GABRB3: variants seen among roughly 807,000 people sequenced by gnomAD.
GABRB3 encodes the protein gamma-aminobutyric acid receptor subunit beta-3.
Under a neutral mutation model 52.1 loss-of-function variants are expected in GABRB3, and 14 were observed. The ratio of observed to expected loss-of-function variants is 0.27; its 90% CI spans 0.18 to 0.42. GABRB3 has a LOEUF of 0.42. Among genes scored for constraint, GABRB3 ranks in the 10% least tolerant of loss-of-function variants. The pLI is 1.00. For synonymous variants in GABRB3, 260 were observed against 232.3 expected (o/e 1.12, Z -1.08); for missense variants, 307 against 609.1 (o/e 0.50, Z 5.22).
intron 8 of GABRB3, among the ~76,000 whole-genome samples, chr15:26,553,694 G>A (rs899508396): frequency 5.3e-5 from 8 of 151,942 alleles, no homozygotes; most frequent in Admixed American, 2.0e-4. Context: ...GGGATTGTTC[G>A]AGACCATTCA....
upstream of GABRB3, chr15:26,773,497 CCCCGGCCGCCGAA>C: frequency 2.1e-6 from 1 of 484,290 alleles, no homozygotes. Context: ...TGCCCGCCTA[CCCCGGCCGCCGAA>C]GTTGGCCCCG....
At chr15:26,573,292 T>C (rs1230772319) in intron 6 of GABRB3, among the ~76,000 whole-genome samples, 2 of 152,186 alleles carry the variant, frequency 1.3e-5, no homozygotes, top group African/African-American at 2.4e-5. Context: ...AAATTAAAAA[T>C]AGTGTTTCTA....
At chr15:26,764,342 C>G (rs1009068334) in intron 3 of GABRB3, among the ~76,000 whole-genome samples, 1 of 150,126 alleles carries the variant, frequency 6.7e-6, no homozygotes, top group African/African-American at 2.5e-5. Context: ...GAATTCATAT[C>G]CTCTTTTAAA....
chr15:26,643,394 G>A (rs1487306526), intron 3 of GABRB3, among the ~76,000 whole-genome samples: 1 of 152,170 alleles, frequency 6.6e-6, no homozygotes, highest in Non-Finnish European at 1.5e-5. Context: ...ACATCCACCA[G>A]GCAACCTTAA....
chr15:26,609,797 A>T (rs1891998661), intron 4 of GABRB3, among the ~76,000 whole-genome samples: 2 of 152,210 alleles, frequency 1.3e-5, no homozygotes, highest in Admixed American at 1.3e-4. Context: ...TTACCATAAA[A>T]AAAGTTTAGT....
Position 26,772,395 on chromosome 15 carries a change from C to T in GABRB3, c.240+7G>A. The stretch of plus-strand genomic sequence containing the variant: ...TCAGGGACCGCCCTGGGAGGGCGGG[C>T]ACTCACCATGTTGACTTCGGAAACC... On this transcript the variant is annotated splice_region_variant and intron_variant, in intron 3 of 8. Transcript: ENST00000311550. 1.9e-6 allele frequency: 3 copies of T among 1,606,812 alleles called. No individual in the cohort carries two copies. Among genetic ancestry groups the T allele is most frequent in the Non-Finnish European group, 2.5e-6 (3 of 1,176,662 alleles).
chr15:26,668,721 G>A (rs965125021), intron 3 of GABRB3, among the ~76,000 whole-genome samples: 11 of 152,154 alleles, frequency 7.2e-5, no homozygotes, highest in Non-Finnish European at 1.5e-4. Flanking sequence ...TAATCAAGGG[G>A]AGTAAATTGT....
At chr15:26,715,638 GT>G (rs1889444143) in intron 3 of GABRB3, among the ~76,000 whole-genome samples, 1 of 152,156 alleles carries the variant, frequency 6.6e-6, no homozygotes, top group African/African-American at 2.4e-5. Context: ...CATACAATAT[GT>G]TTTCAGATAA....
chr15:26,554,136 T>C (rs1359905589), intron 8 of GABRB3, among the ~76,000 whole-genome samples: 1 of 91,330 alleles, frequency 1.1e-5, no homozygotes, highest in Non-Finnish European at 2.1e-5. Context: ...TGTATATATA[T>C]ATATAAAGTA....
rs1157271948 is a variant in GABRB3, at chr15:26,616,032, A to T, written c.461+5282T>A. On this transcript the variant is annotated intron_variant, in intron 4 of 8. Transcript: ENST00000311550. ...TAACTTCAGTGTTCTCAGCTGTGCC[A>T]GACCTCCTCCAGGCCAGGGCCATAG... 7.0e-6 allele frequency: 9 copies of T among 1,289,124 alleles called. No homozygotes were observed. The East Asian group carries it at 5.0e-4, about 71-fold the overall frequency. 79.9% of individuals were successfully genotyped at this position (1,289,124 alleles called of 1,614,324 possible).
intron 3 of GABRB3, among the ~76,000 whole-genome samples, chr15:26,671,749 C>G (rs1156433368): frequency 3.3e-5 from 5 of 152,108 alleles, no homozygotes; most frequent in Admixed American, 1.3e-4. Flanking sequence ...TATTAAGAAG[C>G]TGAAATGAGT....
chr15:26,560,124 C>T (rs932425006), intron 8 of GABRB3, among the ~76,000 whole-genome samples: 3 of 152,294 alleles, frequency 2.0e-5, no homozygotes, highest in South Asian at 4.1e-4. Flanking sequence ...TCTTTCCAGA[C>T]CCACAGGTTT....
intron 6 of GABRB3, among the ~76,000 whole-genome samples, chr15:26,568,348 T>A (rs1173539266): frequency 6.6e-6 from 1 of 152,200 alleles, no homozygotes; most frequent in Admixed American, 6.5e-5. Context: ...TTCTTGCCCA[T>A]GAGTCCCAGT....
At chr15:26,633,373 T>A (rs1478034215) in intron 3 of GABRB3, among the ~76,000 whole-genome samples, 1 of 152,092 alleles carries the variant, frequency 6.6e-6, no homozygotes. Context: ...AGGGCTCACC[T>A]CCCACCCACT....
At chr15:26,643,106 C>T (rs187617414) in intron 3 of GABRB3, among the ~76,000 whole-genome samples, 15 of 152,308 alleles carry the variant, frequency 9.8e-5, no homozygotes, top group African/African-American at 2.9e-4. Context: ...GTCAGTTGCT[C>T]ATCTAACATA....
chr15:26,628,075 T>A (rs569814151), intron 3 of GABRB3, among the ~76,000 whole-genome samples: 6 of 152,240 alleles, frequency 3.9e-5, no homozygotes, highest in Non-Finnish European at 8.8e-5. Flanking sequence ...CTCAGATGAT[T>A]GTTAGCACTT....
At chr15:26,662,303 C>G (rs1887577098) in intron 3 of GABRB3, among the ~76,000 whole-genome samples, 1 of 152,130 alleles carries the variant, frequency 6.6e-6, no homozygotes, top group Non-Finnish European at 1.5e-5. Context: ...TAAAAGAACC[C>G]TGACAGGATA....
intron 6 of GABRB3, 33 bp downstream of exon 6, chr15:26,580,286 C>T (rs1294508048): frequency 1.2e-6 from 2 of 1,613,888 alleles, no homozygotes; most frequent in South Asian, 2.2e-5. Flanking sequence ...AGCCAGTGCC[C>T]CTGAAGGGAC....
chr15:26,613,184 G>C (rs918509179), intron 4 of GABRB3: 1 of 152,684 alleles, frequency 6.5e-6, no homozygotes, highest in South Asian at 2.1e-4. Context: ...AGGCTGAGGC[G>C]GGCAGATCAC....
Sources: allele counts gnomAD v4.1 joint callset (sites outside exome capture counted in the v4.1 genomes callset), GRCh38; gene constraint gnomAD v4.1.1; transcripts MANE v1.5; gene names NCBI Gene and HGNC (gene_info 2026-07-23, HGNC 2026-07-21).